The following TMEM168 variants were observed in gnomAD, a reference collection of about 807,000 sequenced individuals.
The protein encoded by TMEM168 is transmembrane protein 168.
In TMEM168, 40 loss-of-function variants were observed where a neutral mutation model predicts 53.2. The ratio of observed to expected loss-of-function variants is 0.75; its 90% CI spans 0.58 to 0.98. The LOEUF (loss-of-function observed/expected upper bound fraction) is 0.98. Ranked by LOEUF, TMEM168 falls within the 50% of genes least tolerant of loss-of-function variation. TMEM168 has a pLI of 0.00. For missense variants in TMEM168, 771 were observed against 828.8 expected (o/e 0.93, Z 0.86); for synonymous variants, 282 against 293.0 (o/e 0.96, Z 0.38).
Position 112,767,024 on chromosome 7 carries a change from G to GT in TMEM168, c.*172dup, listed in dbSNP as rs1324688064. The stretch of plus-strand genomic sequence containing the variant: ...TCCCTACATACTTTCATTATAAAAT[G>GT]TTTTTTCCCAACGCCTTATATATAC... On this transcript the variant is annotated 3_prime_UTR_variant, in exon 5 of 5. Transcript: ENST00000312814. The GT allele has an allele frequency of 6.3e-6, 4 of 631,556 alleles. No homozygotes were observed. The highest frequency in any genetic ancestry group is 7.9e-6 in the Non-Finnish European group (3 of 378,368). 39.1% of individuals were successfully genotyped at this position (631,556 alleles called of 1,614,324 possible). A position where few individuals can be genotyped will look rare whatever the true frequency, so the allele number is the denominator to read the frequency against.
intron 3 of TMEM168, among the ~76,000 whole-genome samples, chr7:112,774,585 C>CT (rs1158081885): frequency 0.016 from 2,260 of 143,078 alleles, 47 homozygotes; most frequent in African/African-American, 0.05. Flanking sequence ...TGCTTTTTTC[C>CT]TTTTTTTTTT....
rs759295535 is a variant in TMEM168, at chr7:112,767,302, A to G, written c.1989T>C (p.Phe663=). 2.5e-6 allele frequency: 4 copies of G among 1,614,050 alleles called. No homozygotes were observed. Among genetic ancestry groups the G allele is most frequent in the East Asian group, 2.2e-5 (1 of 44,892 alleles). ...ACCTAAAACAAGTTTTGCAGATCCA[A>G]AAAAGGTTCAGACCGCATAACCAAT... is the stretch of plus-strand genomic sequence containing the variant. ...LANWLCGLNL[F]WICKTCFRCL... is the part of the protein sequence containing the mutation. Residue 663 remains phenylalanine (F), a synonymous_variant, in exon 5 of 5, where the codon TTT becomes TTC. Transcript: ENST00000312814.
intron 2 of TMEM168, among the ~76,000 whole-genome samples, chr7:112,783,166 C>A (rs1008460984): frequency 6.6e-6 from 1 of 152,206 alleles, no homozygotes. Context: ...CTTAGGATAA[C>A]CTCTAATCTA....
chr7:112,783,958 GGTGA>G lies in TMEM168; in HGVS notation c.864_867del (p.His289SerfsTer5). The G allele has an allele frequency of 1.2e-6, 2 of 1,612,014 alleles. No homozygotes were observed. The highest frequency in any genetic ancestry group is 1.7e-6 in the Non-Finnish European group (2 of 1,179,644). ...AAGCCAGGTATTACAAAATACCAGAGGTGAGTGTCTCTAAGTTTGAATGCGGAAA... is the reference window on the plus strand; with the variant it reads ...AAGCCAGGTATTACAAAATACCAGAGGTGTCTCTAAGTTTGAATGCGGAAA... On this transcript the variant is annotated frameshift_variant, in exon 2 of 5. Coordinates refer to ENST00000312814, the MANE Select transcript of TMEM168 (RefSeq NM_022484.6). LOFTEE classifies it high-confidence loss of function.
At chr7:112,781,560 T>C (rs1017477035) in intron 2 of TMEM168, among the ~76,000 whole-genome samples, 7 of 152,102 alleles carry the variant, frequency 4.6e-5, no homozygotes, top group African/African-American at 1.4e-4. Context: ...GGTAGACATA[T>C]AGGTCAATAT....
At position 112,767,365 on chromosome 7, in the gene TMEM168, G is replaced by C; in HGVS notation, c.1926C>G (p.His642Gln). 1 of 1,614,214 alleles carries C rather than the reference G, an allele frequency of 6.2e-7. No individual in the cohort carries two copies. The highest frequency in any genetic ancestry group is 8.5e-7 in the Non-Finnish European group (1 of 1,180,022). ...GSDVAKHWML[H>Q]FPRITYPLVH... Reference sequence around the variant, plus strand: ...CTAGGGGATATGTAATACGAGGAAAGTGTAACATCCAGTGCTTGGCCACAT... The same window carrying C: ...CTAGGGGATATGTAATACGAGGAAACTGTAACATCCAGTGCTTGGCCACAT... The change falls in exon 5 of 5, where the codon CAC (histidine) becomes CAG (glutamine). Residue 642 changes from histidine (H) to glutamine (Q), a missense_variant. Physicochemically the swap from His to Gln is conservative, Grantham distance 24 (BLOSUM62 0). Transcript: ENST00000312814.
intron 2 of TMEM168, among the ~76,000 whole-genome samples, chr7:112,777,885 GCT>G (rs1793128905): frequency 1.7e-5 from 2 of 118,548 alleles, no homozygotes; most frequent in Non-Finnish European, 3.6e-5. Context: ...TGCTCTTGGT[GCT>G]GTGTGTGTGT....
At chr7:112,785,187 G>A (rs1793345559) in intron 1 of TMEM168, among the ~76,000 whole-genome samples, 1 of 152,154 alleles carries the variant, frequency 6.6e-6, no homozygotes, top group Non-Finnish European at 1.5e-5. Context: ...GAATAGAACT[G>A]TTCTTCCAGA....
intron 2 of TMEM168, among the ~76,000 whole-genome samples, chr7:112,778,048 C>A (rs1793136824): frequency 6.6e-6 from 1 of 151,904 alleles, no homozygotes; most frequent in Non-Finnish European, 1.5e-5. Flanking sequence ...CTGTTTCTTC[C>A]AGAGAGCTGC....
At chr7:112,774,522 C>T (rs1037267080) in intron 3 of TMEM168, among the ~76,000 whole-genome samples, 4 of 151,686 alleles carry the variant, frequency 2.6e-5, no homozygotes, top group Non-Finnish European at 5.9e-5. Flanking sequence ...CCTCTCAGGC[C>T]CAGAGCACGT....
intron 2 of TMEM168, among the ~76,000 whole-genome samples, chr7:112,777,331 C>CA (rs1793111009): frequency 1.3e-5 from 2 of 151,466 alleles, no homozygotes; most frequent in Admixed American, 6.6e-5. Context: ...CAGAAACACT[C>CA]AATTGTTCAA....
intron 2 of TMEM168, among the ~76,000 whole-genome samples, chr7:112,776,475 C>T (rs1584442957): frequency 1.3e-5 from 2 of 152,144 alleles, no homozygotes; most frequent in East Asian, 3.9e-4. Context: ...TGAACACATA[C>T]TTTTAACACT....
intron 3 of TMEM168, among the ~76,000 whole-genome samples, chr7:112,773,534 CTT>C (rs1391615164): frequency 6.6e-6 from 1 of 151,492 alleles, no homozygotes; most frequent in Non-Finnish European, 1.5e-5. Context: ...ATTTTATTAA[CTT>C]AAGGTACATA....
chr7:112,787,382 G>T (rs982617529), intron 1 of TMEM168, among the ~76,000 whole-genome samples: 1 of 151,576 alleles, frequency 6.6e-6, no homozygotes, highest in Non-Finnish European at 1.5e-5. Flanking sequence ...TTCTTTTTTG[G>T]GGGGAGGGGG....
Position 112,763,447 on chromosome 7 carries a change from C to G in TMEM168, c.*3750G>C, listed in dbSNP as rs1281332370. ...TTCTCATTACGGACAAGGCACTCTT[C>G]TCGGTAACTGTGTACCAGAAATACC... On this transcript the variant is annotated 3_prime_UTR_variant, in exon 5 of 5. Transcript: ENST00000312814. 1 of 152,132 alleles carries G rather than the reference C, an allele frequency of 6.6e-6. No individual in the cohort carries two copies. The highest frequency in any genetic ancestry group is 1.5e-5 in the Non-Finnish European group (1 of 67,998). 9.4% of individuals were successfully genotyped at this position (152,132 alleles called of 1,614,324 possible). A position where few individuals can be genotyped will look rare whatever the true frequency, so the allele number is the denominator to read the frequency against.
At position 112,763,821 on chromosome 7, in the gene TMEM168, T is replaced by C. The variant is rs1792709763; in HGVS notation, c.*3376A>G. 6.6e-6 allele frequency: 1 copy of C among 152,160 alleles called. No individual in the cohort carries two copies. The highest frequency in any genetic ancestry group is 1.5e-5 in the Non-Finnish European group (1 of 68,002). The allele number at this position is 152,160 out of a possible 1,614,324, so 9.4% of individuals were successfully genotyped here. The stretch of plus-strand genomic sequence containing the variant: ...CTCAAAACAAAAATCTACCCACTAA[T>C]GCATTAAATATAAGTGCATTTTAAT... On this transcript the variant is annotated 3_prime_UTR_variant, in exon 5 of 5. Transcript: ENST00000312814.
intron 1 of TMEM168, among the ~76,000 whole-genome samples, chr7:112,787,713 A>AC (rs1793426110): frequency 5.2e-5 from 2 of 38,788 alleles, no homozygotes; most frequent in East Asian, 1.3e-3. Context: ...TGCGACTGGC[A>AC]TTTTTTTTTT....
At chr7:112,778,868 T>C (rs965177430) in intron 2 of TMEM168, among the ~76,000 whole-genome samples, 5 of 152,182 alleles carry the variant, frequency 3.3e-5, no homozygotes, top group African/African-American at 1.2e-4. Context: ...ACTTGCTTTT[T>C]ATATTAAAAA....
intron 2 of TMEM168, among the ~76,000 whole-genome samples, chr7:112,780,000 C>T (rs553273352): frequency 5.6e-4 from 86 of 152,290 alleles, no homozygotes; most frequent in Middle Eastern, 3.4e-3. Context: ...AGAAATCCAG[C>T]TTTAAGAAAC....
Sources: gnomAD v4.1 joint callset for allele counts (sites outside exome capture counted in the v4.1 genomes callset) on GRCh38, gnomAD v4.1.1 for gene constraint, MANE v1.5 for transcripts, NCBI Gene and HGNC (gene_info 2026-07-23, HGNC 2026-07-21) for gene names.